GGT1: variants seen among roughly 807,000 people sequenced by gnomAD.
GGT1 encodes glutathione hydrolase 1 proenzyme.
GGT1 carries 21 observed loss-of-function variants against 56.0 expected under a neutral mutation model. The ratio of observed to expected loss-of-function variants is 0.38; its 90% CI spans 0.27 to 0.54. The LOEUF (loss-of-function observed/expected upper bound fraction) is 0.54. GGT1 is among the 20% of genes least tolerant of loss of function. The pLI is 0.82. For missense variants in GGT1, 466 were observed against 787.0 expected (o/e 0.59, Z 4.88); for synonymous variants, 238 against 342.6 (o/e 0.69, Z 3.37).
the GGT1 span, among the ~76,000 whole-genome samples, chr22:24,587,832 C>T: frequency 1.1e-4 from 16 of 152,242 alleles, no homozygotes; most frequent in South Asian, 1.2e-3. Context: ...AAATGAGAAT[C>T]GCGATCCAGA....
chr22:24,601,088 G>C (rs2045773299), upstream of GGT1, among the ~76,000 whole-genome samples: 1 of 152,140 alleles, frequency 6.6e-6, no homozygotes, highest in East Asian at 1.9e-4. Context: ...TGTCTCCTTG[G>C]TGCAGGACAC....
At position 24,609,731 on chromosome 22, in the gene GGT1, C is replaced by T. The variant is rs2046545438; in HGVS notation, c.-358-234C>T. On this transcript the variant is annotated intron_variant, in intron 2 of 15. Transcript: ENST00000400382. ...AACCTCTGTCACCACATCCCTCTTC[C>T]CTGTTGTCACACCTGTCACCTGCTG... 9.6e-6 allele frequency: 3 copies of T among 311,778 alleles called. No individual in the cohort carries two copies. In the Admixed American group the frequency reaches 1.4e-4, roughly 14 times the overall value. The allele number at this position is 311,778 out of a possible 1,614,324, so 19.3% of individuals were successfully genotyped here. A position where few individuals can be genotyped will look rare whatever the true frequency, so the allele number is the denominator to read the frequency against.
intron 7 of GGT1, among the ~76,000 whole-genome samples, chr22:24,619,568 C>T (rs1339226104): frequency 1.5e-5 from 2 of 129,860 alleles, no homozygotes; most frequent in Non-Finnish European, 3.3e-5. Flanking sequence ...GACCCTGTCT[C>T]AAAACAGACA....
chr22:24,625,781 G>A (rs1033357691), intron 11 of GGT1, among the ~76,000 whole-genome samples: 27 of 150,458 alleles, frequency 1.8e-4, no homozygotes, highest in Admixed American at 5.3e-4. Context: ...CGCCTGCCTC[G>A]GCCTCCCAAA....
upstream of GGT1, among the ~76,000 whole-genome samples, chr22:24,591,554 C>T (rs180936164): frequency 6.4e-4 from 97 of 152,330 alleles, no homozygotes; most frequent in African/African-American, 2.2e-3. Flanking sequence ...TGCAGGGTCC[C>T]TGCAGGTTAT....
chr22:24,605,310 TATA>T (rs2046061503), intron 1 of GGT1, among the ~76,000 whole-genome samples: 1 of 58,358 alleles, frequency 1.7e-5, no homozygotes, highest in Non-Finnish European at 2.7e-5. Context: ...TTATATATTA[TATA>T]ATATGTATTA....
the GGT1 span, among the ~76,000 whole-genome samples, chr22:24,584,856 C>G: frequency 5.3e-5 from 8 of 152,004 alleles, no homozygotes. Context: ...TGTAACTCCC[C>G]ACACAGGGCT....
At chr22:24,608,632 T>C (rs979605246) in intron 2 of GGT1, among the ~76,000 whole-genome samples, 11 of 152,204 alleles carry the variant, frequency 7.2e-5, no homozygotes, top group Non-Finnish European at 1.5e-4. Flanking sequence ...CCATGACTTG[T>C]GGTGGAAATG....
chr22:24,586,375 C>A, the GGT1 span: 1 of 1,613,660 alleles, frequency 6.2e-7, no homozygotes, highest in Non-Finnish European at 8.5e-7. Context: ...CCACAGTCTC[C>A]CCTGCCAGCA....
chr22:24,626,146 C>T (rs1601767157), intron 11 of GGT1, among the ~76,000 whole-genome samples: 1 of 147,756 alleles, frequency 6.8e-6, no homozygotes, highest in Admixed American at 6.8e-5. Flanking sequence ...GTGCCCACCA[C>T]CGCGCCCAGC....
At chr22:24,621,965 G>A (rs866896870) in intron 9 of GGT1, among the ~76,000 whole-genome samples, 2 of 151,158 alleles carry the variant, frequency 1.3e-5, no homozygotes. Context: ...CAGGAGAATC[G>A]CTAGAACCTG....
rs1382176736 is a variant in GGT1 at position 24,605,561 on chromosome 22, ATAT to A, written c.-429+2038_-429+2040del. Among the ~76,000 whole-genome samples, 12 of 38,376 alleles carry A rather than the reference ATAT, an allele frequency of 3.1e-4. 4 individuals carry two copies. Among genetic ancestry groups the A allele is most frequent in the African/African-American group, 1.6e-3 (9 of 5,698 alleles). The allele number at this position is 38,376 out of a possible 152,430, so 25.2% of individuals were successfully genotyped here. A position where few individuals can be genotyped will look rare whatever the true frequency, so the allele number is the denominator to read the frequency against. On this transcript the variant is annotated intron_variant, in intron 1 of 15. Coordinates refer to ENST00000400382, the MANE Select transcript of GGT1 (RefSeq NM_001288833.2). ...TATAATGTGTATTATATATTATATA[ATAT>A]TATATAATGTGTATTATATATATAA...
intron 11 of GGT1, among the ~76,000 whole-genome samples, chr22:24,625,927 C>T (rs1454929438): frequency 1.3e-5 from 2 of 149,654 alleles, no homozygotes; most frequent in South Asian, 2.1e-4. Context: ...TCAGACAGAA[C>T]ACCTTTCCCT....
chr22:24,592,850 C>T (rs1302450442), upstream of GGT1: 4 of 1,278,216 alleles, frequency 3.1e-6, no homozygotes, highest in Non-Finnish European at 4.0e-6. Context: ...GGGCGGACGG[C>T]TCCTTCTCTC....
chr22:24,625,110 C>A (rs974351313), intron 11 of GGT1, among the ~76,000 whole-genome samples: 1 of 152,206 alleles, frequency 6.6e-6, no homozygotes, highest in African/African-American at 2.4e-5. Flanking sequence ...CCACCCACAT[C>A]TATTGGGATT....
At chr22:24,614,729 A>G (rs767601754) in intron 5 of GGT1, 47 bp from the exon 6 acceptor site, 25 of 1,599,616 alleles carry the variant, frequency 1.6e-5, no homozygotes, top group Non-Finnish European at 1.6e-5. Context: ...ATGCGGGGCC[A>G]GGGTGGAAGC....
chr22:24,597,255 A>G (rs1047223915), intron 1 of GGT1, among the ~76,000 whole-genome samples: 5 of 152,180 alleles, frequency 3.3e-5, no homozygotes, highest in African/African-American at 1.2e-4. Context: ...TGTTGGGATT[A>G]CAGGCGTGAG....
chr22:24,588,578 C>T, the GGT1 span: 1 of 891,820 alleles, frequency 1.1e-6, no homozygotes. Context: ...CGGGAGGAAG[C>T]CCAGACAATG....
At chr22:24,601,290 C>T (rs182914347), upstream of GGT1, among the ~76,000 whole-genome samples, 98 of 152,362 alleles carry the variant, frequency 6.4e-4, no homozygotes, top group Non-Finnish European at 1.3e-3. Flanking sequence ...AACCCCACCC[C>T]GCCATGGCCC....
Sources: gnomAD v4.1 joint callset for allele counts (sites outside exome capture counted in the v4.1 genomes callset) on GRCh38, gnomAD v4.1.1 for gene constraint, MANE v1.5 for transcripts, NCBI Gene and HGNC (gene_info 2026-07-23, HGNC 2026-07-21) for gene names.